Variants in TAS2R1 observed in about 807,000 individuals in gnomAD.
TAS2R1 encodes taste 2 receptor member 1.
For synonymous variants in TAS2R1, 141 were observed against 134.2 expected, an observed-to-expected ratio of 1.05 and a Z score of -0.35; for missense variants, 370 against 353.4, an observed-to-expected ratio of 1.05 and a Z score of -0.38.
At chr5:9,705,385 A>G (rs1236196470) in intron 1 of TAS2R1, among the ~76,000 whole-genome samples, 2 of 152,084 alleles carry the variant, frequency 1.3e-5, no homozygotes, top group Non-Finnish European at 2.9e-5. Context: ...CTAATAACTA[A>G]GCTATTTAAT....
the TAS2R1 span, among the ~76,000 whole-genome samples, chr5:9,868,372 C>T: frequency 6.6e-6 from 1 of 152,242 alleles, no homozygotes; most frequent in African/African-American, 2.4e-5. Flanking sequence ...CTTCTGTGCA[C>T]TCTCAAATTC....
the TAS2R1 span, among the ~76,000 whole-genome samples, chr5:9,729,007 G>A: frequency 6.6e-6 from 1 of 152,314 alleles, no homozygotes. Flanking sequence ...GAGAGAAAGA[G>A]CAGGCAGGAA....
chr5:9,760,248 G>A, the TAS2R1 span, among the ~76,000 whole-genome samples: 2 of 152,150 alleles, frequency 1.3e-5, no homozygotes, highest in Admixed American at 1.3e-4. Context: ...TGGAATTACT[G>A]GTGAATTCTA....
chr5:9,757,865 T>A, the TAS2R1 span, among the ~76,000 whole-genome samples: 1 of 152,080 alleles, frequency 6.6e-6, no homozygotes, highest in Non-Finnish European at 1.5e-5. Flanking sequence ...TATTATTAGC[T>A]TATTTTATCT....
chr5:9,632,861 T>G (rs1260259094), upstream of TAS2R1, among the ~76,000 whole-genome samples: 1 of 152,154 alleles, frequency 6.6e-6, no homozygotes, highest in East Asian at 1.9e-4. Context: ...AGTCAAATTC[T>G]TTTACACTCC....
intron 1 of TAS2R1, among the ~76,000 whole-genome samples, chr5:9,701,717 GTTC>G (rs1741488253): frequency 1.3e-5 from 2 of 152,134 alleles, no homozygotes; most frequent in African/African-American, 2.4e-5. Context: ...ATTTTCTCCA[GTTC>G]TTATCATAAC....
At chr5:9,883,934 C>T in the TAS2R1 span, 14 of 152,302 alleles carry the variant, frequency 9.2e-5, no homozygotes, top group East Asian at 2.1e-3. Flanking sequence ...GTTCTGGAGG[C>T]TAGGCAGTCC....
the TAS2R1 span, among the ~76,000 whole-genome samples, chr5:9,896,639 T>G: frequency 6.6e-6 from 1 of 152,190 alleles, no homozygotes; most frequent in Non-Finnish European, 1.5e-5. Context: ...GGCTTTACTT[T>G]GTGCCCCAAA....
chr5:9,707,750 C>A (rs1234393680), intron 1 of TAS2R1, among the ~76,000 whole-genome samples: 1 of 151,132 alleles, frequency 6.6e-6, no homozygotes, highest in Non-Finnish European at 1.5e-5. Context: ...CTCCCCCAAG[C>A]TTTTGTTCTG....
chr5:9,777,083 G>A, the TAS2R1 span, among the ~76,000 whole-genome samples: 2 of 152,188 alleles, frequency 1.3e-5, no homozygotes, highest in South Asian at 4.1e-4. Context: ...GTTGATGGCT[G>A]TTGATTGATC....
the TAS2R1 span, among the ~76,000 whole-genome samples, chr5:9,835,155 G>A: frequency 6.6e-6 from 1 of 152,178 alleles, no homozygotes; most frequent in Non-Finnish European, 1.5e-5. Flanking sequence ...CCAGTTCCTA[G>A]GGGCCAGCAC....
chr5:9,745,964 A>G, the TAS2R1 span, among the ~76,000 whole-genome samples: 3 of 152,212 alleles, frequency 2.0e-5, no homozygotes, highest in African/African-American at 7.2e-5. Flanking sequence ...AGAAACTATC[A>G]TCAGAATGAA....
At chr5:9,657,460 T>A (rs1246145157) in intron 2 of TAS2R1, among the ~76,000 whole-genome samples, 1 of 152,180 alleles carries the variant, frequency 6.6e-6, no homozygotes, top group Non-Finnish European at 1.5e-5. Flanking sequence ...CTATTCCTCC[T>A]GATAGAGCCT....
chr5:9,862,640 T>C, the TAS2R1 span, among the ~76,000 whole-genome samples: 2 of 152,152 alleles, frequency 1.3e-5, no homozygotes, highest in Non-Finnish European at 2.9e-5. Context: ...TCTGGCTCTG[T>C]CACCCAGACT....
At chr5:9,746,056 TAA>T in the TAS2R1 span, among the ~76,000 whole-genome samples, 1 of 151,682 alleles carries the variant, frequency 6.6e-6, no homozygotes, top group Non-Finnish European at 1.5e-5. Context: ...ACAAGGAACT[TAA>T]ACAAATTTTC....
the TAS2R1 span, among the ~76,000 whole-genome samples, chr5:9,748,286 G>T: frequency 6.6e-6 from 1 of 152,262 alleles, no homozygotes; most frequent in African/African-American, 2.4e-5. Context: ...AGGCTGGAGT[G>T]CAGTGGCACA....
chr5:9,881,798 T>C, the TAS2R1 span, among the ~76,000 whole-genome samples: 17 of 152,202 alleles, frequency 1.1e-4, no homozygotes, highest in Admixed American at 5.9e-4. Flanking sequence ...GAGAACTGGC[T>C]AGCCATATGC....
intron 1 of TAS2R1, among the ~76,000 whole-genome samples, chr5:9,662,062 G>T (rs144485719): frequency 6.6e-6 from 1 of 152,300 alleles, no homozygotes; most frequent in East Asian, 1.9e-4. Context: ...GGTGCTGGCA[G>T]TCAGCAGAAG....
At chr5:9,813,561 C>A in the TAS2R1 span, among the ~76,000 whole-genome samples, 1 of 152,124 alleles carries the variant, frequency 6.6e-6, no homozygotes, top group East Asian at 1.9e-4. Context: ...CTTGACTGCA[C>A]CCCTCTGGAC....
Sources: allele counts gnomAD v4.1 joint callset (sites outside exome capture counted in the v4.1 genomes callset), GRCh38; gene constraint gnomAD v4.1.1; transcripts MANE v1.5; gene names NCBI Gene and HGNC (gene_info 2026-07-23, HGNC 2026-07-21).